The following ZNF793 variants were observed in gnomAD, a reference collection of about 807,000 sequenced individuals.
ZNF793 encodes the protein zinc finger protein 793.
In ZNF793, 5 loss-of-function variants were observed where a neutral mutation model predicts 12.4. The observed-to-expected ratio is 0.40, with a 90% confidence interval of 0.21 to 0.84. The LOEUF (loss-of-function observed/expected upper bound fraction) is 0.84. Among genes scored for constraint, ZNF793 ranks in the 40% least tolerant of loss-of-function variants. The pLI is 0.35. For synonymous variants in ZNF793, 162 were observed against 172.4 expected, an observed-to-expected ratio of 0.94 and a Z score of 0.47; for missense variants, 456 against 495.0, an observed-to-expected ratio of 0.92 and a Z score of 0.75.
At chr19:37,508,914 C>T (rs931564347) in intron 2 of ZNF793, among the ~76,000 whole-genome samples, 1 of 151,972 alleles carries the variant, frequency 6.6e-6, no homozygotes, top group Non-Finnish European at 1.5e-5. Flanking sequence ...CATTTTTAAC[C>T]TCCACTAATC....
At position 37,537,619 on chromosome 19, in the gene ZNF793, G is replaced by T. The variant is rs1468771325; in HGVS notation, c.961G>T (p.Gly321Cys). The change falls in exon 8 of 8, where the codon GGT becomes TGT. Residue 321 changes from glycine to cysteine, a missense_variant. Gly to Cys is a radical substitution (Grantham distance 159, BLOSUM62 -3). Transcript: ENST00000627814. ...CTGCAGTGAATGCGGGAAATCGTTT[G>T]GTGAGAAGTCATACCTCAATGTACA... ...FVCSECGKSF[G>C]EKSYLNVHRK... The T allele has an allele frequency of 1.9e-6, 3 of 1,614,058 alleles. No homozygotes were observed. Among genetic ancestry groups the T allele is most frequent in the Non-Finnish European group, 2.5e-6 (3 of 1,179,994 alleles).
Position 37,537,580 on chromosome 19 carries a change from G to C in ZNF793, c.922G>C (p.Glu308Gln). 1.2e-6 allele frequency: 2 copies of C among 1,614,162 alleles called. No homozygotes were observed. Among genetic ancestry groups the C allele is most frequent in the Non-Finnish European group, 1.7e-6 (2 of 1,180,024 alleles). ...RTEHQRTHTG[E>Q]RPFVCSECGK... The stretch of plus-strand genomic sequence containing the variant: ...AGAACATCAGAGAACACACACAGGA[G>C]AGAGACCCTTTGTCTGCAGTGAATG... Residue 308 changes from glutamate to glutamine, a missense_variant, in exon 8 of 8, where the codon GAG becomes CAG. Coordinates refer to ENST00000627814, the MANE Select transcript of ZNF793 (RefSeq NM_001013659.3).
At position 37,523,408 on chromosome 19, in the gene ZNF793, A is replaced by G; in HGVS notation, c.-30-2A>G. On this transcript the variant is annotated splice_acceptor_variant, in intron 4 of 7. Coordinates refer to ENST00000627814, the MANE Select transcript of ZNF793 (RefSeq NM_001013659.3). LOFTEE classifies it low-confidence loss of function (5UTR_SPLICE). ...CATCTTCTTCCCCCCACATGTCTAC[A>G]GGTGTCAGATCTTTTTCAAGAACAG... 6.2e-7 allele frequency: 1 copy of G among 1,610,626 alleles called. No homozygotes were observed.
At position 37,538,925 on chromosome 19, in the gene ZNF793, ATT is replaced by A. The variant is rs2042533289; in HGVS notation, c.*1047_*1048del. 1 of 152,174 alleles carries A rather than the reference ATT, an allele frequency of 6.6e-6. No homozygotes were observed. The highest frequency in any genetic ancestry group is 2.4e-5 in the African/African-American group (1 of 41,444). 9.4% of individuals were successfully genotyped at this position (152,174 alleles called of 1,614,324 possible). A position where few individuals can be genotyped will look rare whatever the true frequency, so the allele number is the denominator to read the frequency against. ...AAACTTTTCCACTTTAAATATCATC[ATT>A]GTCTTTTGATGTCTTAACAATACAA... is the stretch of plus-strand genomic sequence containing the variant. On this transcript the variant is annotated 3_prime_UTR_variant, in exon 8 of 8. Coordinates refer to ENST00000627814, the MANE Select transcript of ZNF793 (RefSeq NM_001013659.3).
At chr19:37,521,728 C>T (rs528069669) in intron 3 of ZNF793, among the ~76,000 whole-genome samples, 1 of 152,174 alleles carries the variant, frequency 6.6e-6, no homozygotes, top group South Asian at 2.1e-4. Context: ...TAGGCGTGAG[C>T]CACCGCACCC....
chr19:37,533,268 G>C (rs779731672), intron 6 of ZNF793, 40 bp from the exon 7 acceptor site: 1 of 1,589,532 alleles, frequency 6.3e-7, no homozygotes, highest in Admixed American at 1.7e-5. Flanking sequence ...TGAAGACCAA[G>C]GAGCTCAGCC....
intron 5 of ZNF793, among the ~76,000 whole-genome samples, chr19:37,531,167 GTTTGTTTTTT>G (rs1277887075): frequency 7.7e-6 from 1 of 129,102 alleles, no homozygotes; most frequent in East Asian, 1.9e-4. Context: ...TCTTTTTTTT[GTTTGTTTTTT>G]TTTGTTTGAG....
At chr19:37,525,718 G>A (rs1174564368) in intron 5 of ZNF793, among the ~76,000 whole-genome samples, 2 of 152,166 alleles carry the variant, frequency 1.3e-5, no homozygotes, top group Admixed American at 6.5e-5. Flanking sequence ...ACCGTGCCTG[G>A]CCAATAGGAA....
rs181909689 is a variant in ZNF793 at position 37,535,026 on chromosome 19, G to A, written c.238+1623G>A. 2.0e-5 allele frequency: 3 copies of A among 150,542 alleles called. No individual in the cohort carries two copies. In the East Asian group the frequency reaches 5.9e-4, roughly 30 times the overall value. The allele number at this position is 150,542 out of a possible 1,614,324, so 9.3% of individuals were successfully genotyped here. On this transcript the variant is annotated intron_variant, in intron 7 of 7. Coordinates refer to ENST00000627814, the MANE Select transcript of ZNF793 (RefSeq NM_001013659.3). ...GTTGTTATTGTTCAGATGAAGTCTT[G>A]TTCTGTCACCCAGGCTGGAATGCAG...
At position 37,539,901 on chromosome 19, in the gene ZNF793, G is replaced by A. The variant is rs999101153; in HGVS notation, c.*2022G>A. ...GTAATACCAGTGTTATTTATTATAT[G>A]GATGTAATACAATCCATGAACTGTA... On this transcript the variant is annotated 3_prime_UTR_variant, in exon 8 of 8. Transcript: ENST00000627814. 1.3e-5 allele frequency: 2 copies of A among 152,046 alleles called. No individual in the cohort carries two copies. The highest frequency in any genetic ancestry group is 2.9e-5 in the Non-Finnish European group (2 of 68,000). The allele number at this position is 152,046 out of a possible 1,614,324, so 9.4% of individuals were successfully genotyped here.
upstream of ZNF793, chr19:37,506,845 T>A (rs1422118492): frequency 6.6e-6 from 1 of 152,176 alleles, no homozygotes; most frequent in Non-Finnish European, 1.5e-5. Context: ...ATACCTCCAA[T>A]TACAGCTTTG....
rs2042562466 is a variant in ZNF793 at position 37,543,168 on chromosome 19, A to AAC, written c.*5291_*5292dup. On this transcript the variant is annotated 3_prime_UTR_variant, in exon 8 of 8. Coordinates refer to ENST00000627814, the MANE Select transcript of ZNF793 (RefSeq NM_001013659.3). ...ATATATGCATGTGGATGTTTATATG[A>AAC]ACATAGAAAAGTGTAGAAGAATACA... is the stretch of plus-strand genomic sequence containing the variant. 6.6e-6 allele frequency: 1 copy of AAC among 152,256 alleles called. No homozygotes were observed. Among genetic ancestry groups the AAC allele is most frequent in the African/African-American group, 2.4e-5 (1 of 41,468 alleles). 9.4% of individuals were successfully genotyped at this position (152,256 alleles called of 1,614,324 possible).
Position 37,538,589 on chromosome 19 carries a change from G to A in ZNF793, c.*710G>A, listed in dbSNP as rs1414900214. 6.6e-6 allele frequency: 1 copy of A among 152,028 alleles called. No individual in the cohort carries two copies. Among genetic ancestry groups the A allele is most frequent in the Non-Finnish European group, 1.5e-5 (1 of 68,042 alleles). The allele number at this position is 152,028 out of a possible 1,614,324, so 9.4% of individuals were successfully genotyped here. ...CCCAAAGTGTTGGGATTACAGGCAT[G>A]AGCCAACGCGCCCAACCGACAGTGT... On this transcript the variant is annotated 3_prime_UTR_variant, in exon 8 of 8. Coordinates refer to ENST00000627814, the MANE Select transcript of ZNF793 (RefSeq NM_001013659.3).
At chr19:37,530,887 T>C (rs1043879598) in intron 5 of ZNF793, among the ~76,000 whole-genome samples, 5 of 152,244 alleles carry the variant, frequency 3.3e-5, no homozygotes, top group African/African-American at 1.2e-4. Context: ...TTTGTTCCTC[T>C]ATTTCTTCTT....
chr19:37,537,015 T>C lies in ZNF793; in HGVS notation c.357T>C (p.Phe119=). ...PKEKSCEYNK[F]GKISLLSTDL... is the part of the protein sequence containing the mutation. ...AGAAAAGCTGTGAATATAATAAGTTTGGGAAAATATCACTTCTGAGCACTG... is the reference window on the plus strand; with the variant it reads ...AGAAAAGCTGTGAATATAATAAGTTCGGGAAAATATCACTTCTGAGCACTG... The change falls in exon 8 of 8, where the codon TTT becomes TTC. Residue 119 remains phenylalanine, a synonymous_variant. Transcript: ENST00000627814. The C allele has an allele frequency of 6.2e-7, 1 of 1,613,956 alleles. No individual in the cohort carries two copies.
At chr19:37,513,268 A>G (rs1186749276) in intron 2 of ZNF793, among the ~76,000 whole-genome samples, 4 of 152,230 alleles carry the variant, frequency 2.6e-5, no homozygotes, top group Non-Finnish European at 4.4e-5. Context: ...TAGAGTTAGT[A>G]TCCATTAATG....
intron 5 of ZNF793, among the ~76,000 whole-genome samples, chr19:37,530,638 G>C (rs1191623731): frequency 6.6e-6 from 1 of 152,046 alleles, no homozygotes; most frequent in East Asian, 1.9e-4. Flanking sequence ...CACGGGGTTG[G>C]GGGTGGGGTT....
At chr19:37,527,310 T>A (rs2042423763) in intron 5 of ZNF793, among the ~76,000 whole-genome samples, 1 of 152,152 alleles carries the variant, frequency 6.6e-6, no homozygotes, top group African/African-American at 2.4e-5. Context: ...CTCCTCAGCC[T>A]CCCAAAGTGC....
At chr19:37,526,334 A>G (rs1243307381) in intron 5 of ZNF793, among the ~76,000 whole-genome samples, 1 of 151,746 alleles carries the variant, frequency 6.6e-6, no homozygotes, top group African/African-American at 2.4e-5. Flanking sequence ...GCTGGTCTTG[A>G]GCTTCTGGGC....
Sources: allele counts gnomAD v4.1 joint callset (sites outside exome capture counted in the v4.1 genomes callset), GRCh38; gene constraint gnomAD v4.1.1; transcripts MANE v1.5; gene names NCBI Gene and HGNC (gene_info 2026-07-23, HGNC 2026-07-21).